The following DOCK2 variants were observed in gnomAD, a reference collection of about 807,000 sequenced individuals.
DOCK2 encodes the protein dedicator of cytokinesis 2.
In DOCK2, 87 loss-of-function variants were observed where a neutral mutation model predicts 248.9. That is an observed-to-expected ratio of 0.35 (90% confidence interval 0.29 to 0.42). DOCK2 has a LOEUF of 0.42. DOCK2 is among the 10% of genes least tolerant of loss of function. The pLI, the probability that DOCK2 is intolerant of heterozygous loss-of-function variation, is 1.00. For missense variants in DOCK2, 1,747 were observed against 2,300.2 expected (o/e 0.76, Z 4.92); for synonymous variants, 805 against 821.6 (o/e 0.98, Z 0.35).
In DOCK2 at chr5:169,956,344, A is replaced by G. The variant is rs370596134; in HGVS notation, c.2800-26724A>G. 3.9e-5 allele frequency among the ~76,000 whole-genome samples: 6 copies of G among 152,332 alleles called. No individual in the cohort carries two copies. In the East Asian group the frequency reaches 1.2e-3, roughly 29 times the overall value. ...GGAAATGATGCCAAGATTTAGCCAC[A>G]AGTGATACTACTAACTTAAGAGGCT... On this transcript the variant is annotated intron_variant, in intron 27 of 51. Transcript: ENST00000520908.
chr5:169,858,266 G>T (rs534879788), intron 27 of DOCK2, among the ~76,000 whole-genome samples: 1 of 152,188 alleles, frequency 6.6e-6, no homozygotes. Context: ...GGACAACTGC[G>T]CCAAGGACTT....
intron 27 of DOCK2, among the ~76,000 whole-genome samples, chr5:169,927,410 A>G (rs1775513019): frequency 6.6e-6 from 1 of 152,144 alleles, no homozygotes; most frequent in Admixed American, 6.5e-5. Flanking sequence ...CCTTCTAATA[A>G]GTTTGCATGT....
At chr5:169,837,455 A>C (rs1041054696) in intron 26 of DOCK2, among the ~76,000 whole-genome samples, 2 of 152,168 alleles carry the variant, frequency 1.3e-5, no homozygotes, top group Non-Finnish European at 2.9e-5. Flanking sequence ...TATCACCCAG[A>C]GTTTAGATTA....
At chr5:169,872,976 GATT>G (rs1772083999) in intron 27 of DOCK2, among the ~76,000 whole-genome samples, 1 of 152,194 alleles carries the variant, frequency 6.6e-6, no homozygotes, top group Admixed American at 6.5e-5. Context: ...AAATGGTAAT[GATT>G]ATTACACTAA....
intron 25 of DOCK2, among the ~76,000 whole-genome samples, chr5:169,784,260 A>G (rs1411981671): frequency 1.3e-5 from 2 of 152,108 alleles, no homozygotes; most frequent in Admixed American, 6.6e-5. Context: ...ACAACCACAC[A>G]TTTCAGACGA....
At chr5:169,854,197 T>G (rs1157278919) in intron 27 of DOCK2, among the ~76,000 whole-genome samples, 1 of 151,496 alleles carries the variant, frequency 6.6e-6, no homozygotes, top group Non-Finnish European at 1.5e-5. Flanking sequence ...CATTTTTTTT[T>G]TTTTTTGAGA....
intron 9 of DOCK2, among the ~76,000 whole-genome samples, chr5:169,691,165 C>T (rs73316268): frequency 0.012 from 1,771 of 152,164 alleles, 37 homozygotes; most frequent in African/African-American, 0.039. Context: ...ACAAGAGACA[C>T]GGGGGAGGTG....
At chr5:169,753,055 C>CT (rs1763990219) in intron 23 of DOCK2, among the ~76,000 whole-genome samples, 2 of 137,342 alleles carry the variant, frequency 1.5e-5, no homozygotes, top group Non-Finnish European at 3.0e-5. Context: ...CAGAGCAAGA[C>CT]TCTATCTAAA....
intron 33 of DOCK2, among the ~76,000 whole-genome samples, chr5:170,025,802 T>C (rs550585174): frequency 1.2e-4 from 9 of 75,970 alleles, no homozygotes; most frequent in African/African-American, 4.1e-4. Context: ...CTTCCTTCCT[T>C]CCTTCCTTCC....
At chr5:169,766,196 C>A (rs1764780865) in intron 25 of DOCK2, among the ~76,000 whole-genome samples, 1 of 152,076 alleles carries the variant, frequency 6.6e-6, no homozygotes, top group Admixed American at 6.5e-5. Flanking sequence ...ACCTGATAGG[C>A]AGTTTTTTGA....
chr5:169,821,270 G>A (rs539583211), intron 26 of DOCK2, among the ~76,000 whole-genome samples: 100 of 152,142 alleles, frequency 6.6e-4, no homozygotes, highest in African/African-American at 2.3e-3. Flanking sequence ...TACAGAGAAC[G>A]CCACAAAGAT....
chr5:169,995,189 C>T (rs993089086), intron 29 of DOCK2, among the ~76,000 whole-genome samples: 29 of 151,870 alleles, frequency 1.9e-4, no homozygotes, highest in Non-Finnish European at 4.0e-4. Flanking sequence ...CCACAACGCC[C>T]GGCTAATTTT....
At chr5:170,066,247 A>G (rs1474105201) in intron 44 of DOCK2, among the ~76,000 whole-genome samples, 2 of 152,190 alleles carry the variant, frequency 1.3e-5, no homozygotes, top group Non-Finnish European at 2.9e-5. Context: ...AGGGGCAGCT[A>G]TATTTATTTC....
At chr5:169,934,836 A>G (rs1033814284) in intron 27 of DOCK2, 1 of 412,218 alleles carries the variant, frequency 2.4e-6, no homozygotes, top group African/African-American at 2.0e-5. Flanking sequence ...GTCATCTGCA[A>G]ATAGGTAAAT....
At chr5:169,859,231 G>C (rs551733274) in intron 27 of DOCK2, among the ~76,000 whole-genome samples, 1 of 152,300 alleles carries the variant, frequency 6.6e-6, no homozygotes, top group South Asian at 2.1e-4. Flanking sequence ...TATGGGCTGA[G>C]AGTTCTGTAG....
chr5:169,719,559 G>A (rs1276740084), intron 22 of DOCK2, among the ~76,000 whole-genome samples: 1 of 152,204 alleles, frequency 6.6e-6, no homozygotes, highest in Admixed American at 6.5e-5. Flanking sequence ...AAAACCAAGG[G>A]TGTAGTCGGC....
intron 22 of DOCK2, among the ~76,000 whole-genome samples, chr5:169,723,303 G>A (rs1412426343): frequency 6.6e-6 from 1 of 152,150 alleles, no homozygotes; most frequent in African/African-American, 2.4e-5. Flanking sequence ...TGAATTCTGA[G>A]TTGGAATCTT....
At position 169,669,237 on chromosome 5, in the gene DOCK2, C is replaced by A. The variant is rs757739650; in HGVS notation, c.128-51C>A. 3 of 1,607,298 alleles carry A rather than the reference C, an allele frequency of 1.9e-6. No homozygotes were observed. The South Asian group carries it at 3.3e-5, about 18-fold the overall frequency. On this transcript the variant is annotated intron_variant, in intron 2 of 51. Coordinates refer to ENST00000520908, the MANE Select transcript of DOCK2 (RefSeq NM_004946.3). ...ACAAAACAAAACAGAAAAACACTAG[C>A]AACAAACTTGTAATAAATGAGGGAA...
rs1053139107 is a variant in DOCK2 at position 170,056,241 on chromosome 5, G to A, written c.4296-443G>A. Among the ~76,000 whole-genome samples the A allele has an allele frequency of 9.2e-5, 14 of 152,158 alleles. No individual in the cohort carries two copies. The East Asian group carries it at 1.5e-3, about 17-fold the overall frequency. On this transcript the variant is annotated intron_variant, in intron 42 of 51. Coordinates refer to ENST00000520908, the MANE Select transcript of DOCK2 (RefSeq NM_004946.3). ...GGGACAATAACTGTGCAGCTAGCAC[G>A]GTGTTCTGCTGGCCCTGAAGTTAGA...
Sources: allele counts gnomAD v4.1 joint callset (sites outside exome capture counted in the v4.1 genomes callset), GRCh38; gene constraint gnomAD v4.1.1; transcripts MANE v1.5; gene names NCBI Gene and HGNC (gene_info 2026-07-23, HGNC 2026-07-21).